Variants in PCSK5 observed in about 807,000 individuals in gnomAD.
The protein encoded by PCSK5 is proprotein convertase subtilisin/kexin type 5, also known as prohormone convertase 5.
PCSK5 carries 129 observed loss-of-function variants against 233.2 expected under a neutral mutation model. The ratio of observed to expected loss-of-function variants is 0.55; its 90% CI spans 0.48 to 0.64. PCSK5 has a LOEUF of 0.64. PCSK5 is among the 30% of genes least tolerant of loss of function. The pLI is 0.00. For missense variants in PCSK5, 2,076 were observed against 2,430.1 expected (o/e 0.85, Z 3.06); for synonymous variants, 825 against 879.2 (o/e 0.94, Z 1.09).
At position 76,185,459 on chromosome 9, in the gene PCSK5, C is replaced by T. The variant is rs563697841; in HGVS notation, c.2282+702C>T. 2.6e-5 allele frequency among the ~76,000 whole-genome samples: 4 copies of T among 152,266 alleles called. No homozygotes were observed. In the South Asian group the frequency reaches 6.2e-4, roughly 24 times the overall value. On this transcript the variant is annotated intron_variant, in intron 17 of 37. Transcript: ENST00000674117. ...CACTGGATTTCTTTTAAGTATTGAT[C>T]ATATCTTTATTTCCACCTGTGATTG...
intron 5 of PCSK5, among the ~76,000 whole-genome samples, chr9:76,040,968 A>G (rs1829093068): frequency 6.6e-6 from 1 of 152,134 alleles, no homozygotes; most frequent in South Asian, 2.1e-4. Context: ...AAAACAAACC[A>G]CTAGGCAGGA....
chr9:76,248,214 T>A (rs1033801498), intron 24 of PCSK5, among the ~76,000 whole-genome samples: 4 of 152,212 alleles, frequency 2.6e-5, no homozygotes, highest in Non-Finnish European at 5.9e-5. Flanking sequence ...ACAGGCATGA[T>A]CTACCGCACC....
At chr9:76,350,769 C>A in intron 35 of PCSK5, 59 bp from the exon 36 acceptor site, 1 of 1,026,456 alleles carries the variant, frequency 9.7e-7, no homozygotes, top group Non-Finnish European at 1.5e-6. Flanking sequence ...TGTTCCGGAA[C>A]AAAGACAGAA....
intron 7 of PCSK5, among the ~76,000 whole-genome samples, chr9:76,093,263 T>C (rs10869692): frequency 0.23 from 35,069 of 151,540 alleles, 4,448 homozygotes; most frequent in Non-Finnish European, 0.29. Flanking sequence ...CGGCTATTTC[T>C]TTTTAATTTT....
At chr9:76,104,825 A>C (rs1250515490) in intron 8 of PCSK5, among the ~76,000 whole-genome samples, 2 of 98,888 alleles carry the variant, frequency 2.0e-5, no homozygotes, top group African/African-American at 8.7e-5. Context: ...ACTTGGACAA[A>C]GGAATGTGAC....
intron 20 of PCSK5, among the ~76,000 whole-genome samples, chr9:76,191,824 T>C (rs1002185277): frequency 2.1e-4 from 32 of 152,076 alleles, no homozygotes; most frequent in African/African-American, 7.7e-4. Flanking sequence ...TATTTCTGAA[T>C]ATGACCAGAA....
chr9:76,336,231 CAGGTGGCTAA>C (rs1432610027), intron 34 of PCSK5, among the ~76,000 whole-genome samples: 1 of 152,170 alleles, frequency 6.6e-6, no homozygotes, highest in African/African-American at 2.4e-5. Flanking sequence ...AGATCAGTGA[CAGGTGGCTAA>C]ACAGACCAAG....
intron 10 of PCSK5, among the ~76,000 whole-genome samples, chr9:76,142,616 G>A (rs929008095): frequency 6.6e-6 from 1 of 152,130 alleles, no homozygotes; most frequent in Non-Finnish European, 1.5e-5. Flanking sequence ...TATATGTCAT[G>A]CATTCTAATA....
chr9:76,154,000 T>C (rs1823777494), intron 10 of PCSK5, among the ~76,000 whole-genome samples: 1 of 152,182 alleles, frequency 6.6e-6, no homozygotes, highest in Non-Finnish European at 1.5e-5. Context: ...ATGAAAATTG[T>C]ATATAAAAAA....
chr9:76,308,029 T>A (rs1167631413), intron 28 of PCSK5, among the ~76,000 whole-genome samples: 1 of 151,850 alleles, frequency 6.6e-6, no homozygotes, highest in African/African-American at 2.4e-5. Flanking sequence ...AAACCCCGTC[T>A]CTACTAAAAA....
At chr9:75,928,782 G>T (rs1397677591) in intron 1 of PCSK5, among the ~76,000 whole-genome samples, 1 of 151,302 alleles carries the variant, frequency 6.6e-6, no homozygotes, top group Non-Finnish European at 1.5e-5. Flanking sequence ...TCAGAACCTT[G>T]GAAGAGTTGG....
At chr9:75,994,534 C>A (rs1367754953) in intron 3 of PCSK5, among the ~76,000 whole-genome samples, 1 of 151,000 alleles carries the variant, frequency 6.6e-6, no homozygotes, top group African/African-American at 2.4e-5. Flanking sequence ...ATGCAATTCT[C>A]CTGCCTCAGC....
intron 5 of PCSK5, among the ~76,000 whole-genome samples, chr9:76,046,559 C>CTTTTTTT (rs553542037): frequency 3.7e-3 from 391 of 104,774 alleles, no homozygotes; most frequent in Non-Finnish European, 5.8e-3. Flanking sequence ...CTTTCTTTTT[C>CTTTTTTT]TTTTTTTTTT....
intron 1 of PCSK5, among the ~76,000 whole-genome samples, chr9:75,896,133 A>G (rs1825791675): frequency 6.6e-6 from 1 of 152,186 alleles, no homozygotes; most frequent in African/African-American, 2.4e-5. Flanking sequence ...GACCCCTGCT[A>G]GCCACTCTCA....
chr9:76,331,360 G>A (rs1829528706), intron 33 of PCSK5, among the ~76,000 whole-genome samples: 5 of 152,124 alleles, frequency 3.3e-5, no homozygotes, highest in Admixed American at 2.0e-4. Context: ...CATCACAAGG[G>A]TCTGATAAGA....
intron 8 of PCSK5, among the ~76,000 whole-genome samples, chr9:76,099,949 G>A (rs1411482073): frequency 3.9e-5 from 6 of 151,950 alleles, no homozygotes; most frequent in Admixed American, 6.6e-5. Flanking sequence ...GAGGAGAGAG[G>A]GAAAAAAATC....
intron 35 of PCSK5, among the ~76,000 whole-genome samples, chr9:76,340,321 CTTTTTGCAAA>C (rs1288593404): frequency 6.6e-6 from 1 of 152,058 alleles, no homozygotes; most frequent in Non-Finnish European, 1.5e-5. Context: ...TTCCTAATGT[CTTTTTGCAAA>C]TTAAAAAATG....
At chr9:75,905,112 CA>C (rs1395246110) in intron 1 of PCSK5, among the ~76,000 whole-genome samples, 1 of 152,030 alleles carries the variant, frequency 6.6e-6, no homozygotes, top group African/African-American at 2.4e-5. Flanking sequence ...TCTATAGAGA[CA>C]GAGGGTAGAT....
At chr9:76,174,599 C>A (rs929727195) in intron 13 of PCSK5, among the ~76,000 whole-genome samples, 2 of 152,084 alleles carry the variant, frequency 1.3e-5, no homozygotes, top group Non-Finnish European at 1.5e-5. Flanking sequence ...CATGAGCCAC[C>A]GCACCGGGCC....
Sources: allele counts gnomAD v4.1 joint callset (sites outside exome capture counted in the v4.1 genomes callset), GRCh38; gene constraint gnomAD v4.1.1; transcripts MANE v1.5; gene names NCBI Gene and HGNC (gene_info 2026-07-23, HGNC 2026-07-21).